The following CCDC178 variants were observed in gnomAD, a reference collection of about 807,000 sequenced individuals.
The protein encoded by CCDC178 is coiled-coil domain containing 178.
In CCDC178, 126 loss-of-function variants were observed where a neutral mutation model predicts 117.4. The ratio of observed to expected loss-of-function variants is 1.07; its 90% confidence interval spans 0.93 to 1.24. The LOEUF (loss-of-function observed/expected upper bound fraction) is 1.24, where lower values mean the gene tolerates loss of function less well. Among genes scored for constraint, CCDC178 ranks in the 50% most tolerant of loss-of-function variants. The pLI is 0.00. For synonymous variants in CCDC178, 283 were observed against 313.4 expected, an observed-to-expected ratio of 0.90 and a Z score of 1.02; for missense variants, 1,030 against 986.9, an observed-to-expected ratio of 1.04 and a Z score of -0.59.
chr18:33,180,665 A>C (rs916675543), intron 20 of CCDC178, among the ~76,000 whole-genome samples: 1 of 152,050 alleles, frequency 6.6e-6, no homozygotes, highest in African/African-American at 2.4e-5. Flanking sequence ...TCAATTATAT[A>C]AGCTACATTA....
chr18:33,169,123 T>A (rs986800600), intron 20 of CCDC178, among the ~76,000 whole-genome samples: 1 of 152,226 alleles, frequency 6.6e-6, no homozygotes, highest in African/African-American at 2.4e-5. Context: ...AAACTGCAGG[T>A]AAGTTACGGA....
intron 18 of CCDC178, among the ~76,000 whole-genome samples, chr18:33,217,424 T>C (rs1028902292): frequency 5.3e-5 from 8 of 152,014 alleles, no homozygotes; most frequent in African/African-American, 1.9e-4. Flanking sequence ...TGCAAAGTAG[T>C]ATTTAATTCA....
At chr18:33,356,027 C>T (rs143275424) in intron 7 of CCDC178, among the ~76,000 whole-genome samples, 1 of 152,032 alleles carries the variant, frequency 6.6e-6, no homozygotes, top group Non-Finnish European at 1.5e-5. Flanking sequence ...TTGAATTTTC[C>T]CCTAGTGGTT....
chr18:33,130,578 G>T (rs1462099136), intron 20 of CCDC178, among the ~76,000 whole-genome samples: 1 of 151,926 alleles, frequency 6.6e-6, no homozygotes, highest in East Asian at 1.9e-4. Context: ...AGGTTCCAAG[G>T]TCATGTTTAA....
intron 15 of CCDC178, among the ~76,000 whole-genome samples, chr18:33,234,108 GTTCAATGC>G (rs2144658392): frequency 6.6e-6 from 1 of 152,130 alleles, no homozygotes. Context: ...ATCCATAAAT[GTTCAATGC>G]TTTATTTCTA....
At chr18:33,327,187 T>C (rs1416291573) in intron 10 of CCDC178, among the ~76,000 whole-genome samples, 2 of 152,260 alleles carry the variant, frequency 1.3e-5, no homozygotes, top group African/African-American at 4.8e-5. Context: ...GCATCTTTTA[T>C]ATAAATGAAT....
intron 20 of CCDC178, among the ~76,000 whole-genome samples, chr18:33,164,988 T>C (rs2058511921): frequency 6.6e-6 from 1 of 152,194 alleles, no homozygotes; most frequent in Admixed American, 6.5e-5. Context: ...GTCTTCCAAA[T>C]ACTGATAAAT....
At chr18:33,130,795 T>C (rs570113305) in intron 20 of CCDC178, among the ~76,000 whole-genome samples, 2 of 152,062 alleles carry the variant, frequency 1.3e-5, no homozygotes, top group Non-Finnish European at 2.9e-5. Flanking sequence ...GTAGGTGACA[T>C]AGGCAGGCTA....
At chr18:33,265,431 C>T (rs1310040584) in intron 14 of CCDC178, among the ~76,000 whole-genome samples, 1 of 151,926 alleles carries the variant, frequency 6.6e-6, no homozygotes, top group Non-Finnish European at 1.5e-5. Flanking sequence ...ATCACATGTA[C>T]ATATGACAGA....
At position 33,323,283 on chromosome 18, in the gene CCDC178, T is replaced by C. The variant is rs2062538916; in HGVS notation, c.1022+208A>G. 1.3e-5 allele frequency: 4 copies of C among 297,966 alleles called. No individual in the cohort carries two copies. The South Asian group carries it at 5.7e-4, about 42-fold the overall frequency. 18.5% of individuals were successfully genotyped at this position (297,966 alleles called of 1,614,324 possible). A position where few individuals can be genotyped will look rare whatever the true frequency, so the allele number is the denominator to read the frequency against. On this transcript the variant is annotated intron_variant, in intron 11 of 22. Coordinates refer to ENST00000383096, the MANE Select transcript of CCDC178 (RefSeq NM_001105528.4). ...GCTTTAAGATGACACAGAAATATAG[T>C]ACTTTAGGGATTTATGCACAAATAA...
intron 22 of CCDC178, among the ~76,000 whole-genome samples, chr18:32,959,138 T>C (rs2054653774): frequency 6.6e-6 from 1 of 152,106 alleles, no homozygotes; most frequent in Admixed American, 6.6e-5. Flanking sequence ...TTCTAGTTGG[T>C]TTTGTCAAGA....
chr18:33,336,521 A>C (rs890188687), intron 9 of CCDC178, among the ~76,000 whole-genome samples: 1 of 152,160 alleles, frequency 6.6e-6, no homozygotes, highest in Non-Finnish European at 1.5e-5. Flanking sequence ...ACATGAGCAA[A>C]TCTGACAATT....
chr18:33,181,097 C>T (rs754922292), intron 20 of CCDC178, among the ~76,000 whole-genome samples: 12 of 151,498 alleles, frequency 7.9e-5, no homozygotes, highest in Non-Finnish European at 1.6e-4. Context: ...GATTGCGTGG[C>T]CAAATTTCTG....
intron 20 of CCDC178, among the ~76,000 whole-genome samples, chr18:33,102,649 T>C (rs554481632): frequency 5.3e-5 from 8 of 151,880 alleles, no homozygotes; most frequent in African/African-American, 1.9e-4. Context: ...GGTACTGTTG[T>C]TCACATTAGA....
intron 21 of CCDC178, among the ~76,000 whole-genome samples, chr18:33,033,525 T>A (rs1343195922): frequency 6.6e-6 from 1 of 152,090 alleles, no homozygotes. Flanking sequence ...CCATTAATTA[T>A]TCATTCTTTC....
intron 7 of CCDC178, among the ~76,000 whole-genome samples, chr18:33,350,383 C>G (rs964464993): frequency 6.6e-6 from 1 of 152,010 alleles, no homozygotes; most frequent in African/African-American, 2.4e-5. Context: ...CCATCTCATT[C>G]CAATATATTT....
At chr18:33,340,033 A>G (rs2062795857) in intron 9 of CCDC178, among the ~76,000 whole-genome samples, 1 of 152,154 alleles carries the variant, frequency 6.6e-6, no homozygotes, top group African/African-American at 2.4e-5. Flanking sequence ...GGCTCAGAAG[A>G]AGATAGGAAA....
At chr18:33,227,987 G>T (rs891914074) in intron 15 of CCDC178, among the ~76,000 whole-genome samples, 1 of 152,122 alleles carries the variant, frequency 6.6e-6, no homozygotes, top group East Asian at 1.9e-4. Context: ...AATAGAAATG[G>T]AACAAAATTC....
intron 20 of CCDC178, among the ~76,000 whole-genome samples, chr18:33,146,726 T>C (rs960019140): frequency 6.6e-6 from 1 of 152,156 alleles, no homozygotes; most frequent in African/African-American, 2.4e-5. Flanking sequence ...TTTCTGTCTC[T>C]GGTATGACAC....
Sources: allele counts gnomAD v4.1 joint callset (sites outside exome capture counted in the v4.1 genomes callset), GRCh38; gene constraint gnomAD v4.1.1; transcripts MANE v1.5; gene names NCBI Gene and HGNC (gene_info 2026-07-23, HGNC 2026-07-21).